The following MAP4 variants were observed in gnomAD, a reference collection of about 807,000 sequenced individuals.
MAP4 encodes the protein microtubule associated protein 4.
A neutral mutation model predicts 170.2 loss-of-function variants in MAP4; 76 were observed. The ratio of observed to expected loss-of-function variants is 0.45; its 90% CI spans 0.37 to 0.54. The LOEUF (loss-of-function observed/expected upper bound fraction) is 0.54. Among genes scored for constraint, MAP4 ranks in the 20% least tolerant of loss-of-function variants. The pLI is 0.00. For synonymous variants in MAP4, 909 were observed against 994.5 expected (o/e 0.91, Z 1.62); for missense variants, 2,506 against 2,748.0 (o/e 0.91, Z 1.97).
chr3:47,924,936 G>A (rs559093187), intron 4 of MAP4, among the ~76,000 whole-genome samples: 2 of 151,542 alleles, frequency 1.3e-5, no homozygotes, highest in African/African-American at 4.9e-5. Flanking sequence ...TCAGCTTCCC[G>A]AGTAGCTGGG....
chr3:47,964,209 C>G (rs2100073430), intron 3 of MAP4, among the ~76,000 whole-genome samples: 1 of 152,172 alleles, frequency 6.6e-6, no homozygotes, highest in Non-Finnish European at 1.5e-5. Context: ...TGTACAGGAC[C>G]ACTGTAGATG....
chr3:47,949,291 C>A (rs1217409717), intron 3 of MAP4, among the ~76,000 whole-genome samples: 1 of 151,764 alleles, frequency 6.6e-6, no homozygotes, highest in African/African-American at 2.4e-5. Flanking sequence ...CATGGTGAAA[C>A]CCCGTCTCTA....
At chr3:48,046,300 GTTAC>G in intron 1 of MAP4, among the ~76,000 whole-genome samples, 1 of 152,260 alleles carries the variant, frequency 6.6e-6, no homozygotes, top group Non-Finnish European at 1.5e-5. Context: ...TTGCACAGTT[GTTAC>G]TTATGTAGTG....
chr3:47,973,880 G>A, intron 3 of MAP4: 1 of 985,218 alleles, frequency 1.0e-6, no homozygotes, highest in Non-Finnish European at 1.2e-6. Flanking sequence ...TGGCAAGAGA[G>A]TTTTAATATT....
At chr3:47,974,839 C>T in intron 3 of MAP4, 1 of 964,488 alleles carries the variant, frequency 1.0e-6, no homozygotes, top group African/African-American at 1.8e-5. Flanking sequence ...TAGGATTACT[C>T]AGAACTACTC....
At chr3:48,040,861 A>G (rs2100121296) in intron 1 of MAP4, among the ~76,000 whole-genome samples, 1 of 152,188 alleles carries the variant, frequency 6.6e-6, no homozygotes, top group Non-Finnish European at 1.5e-5. Flanking sequence ...CACCACATCC[A>G]GCCAATTTTT....
intron 1 of MAP4, among the ~76,000 whole-genome samples, chr3:48,003,024 A>G (rs2100100181): frequency 6.6e-6 from 1 of 151,682 alleles, no homozygotes; most frequent in East Asian, 1.9e-4. Context: ...TCTAATAACT[A>G]TAATAAAGTT....
chr3:47,891,423 T>C (rs1259594257), intron 10 of MAP4: 2 of 1,535,516 alleles, frequency 1.3e-6, no homozygotes, highest in South Asian at 1.2e-5. Context: ...CCCACAGTCA[T>C]GGAGCGCTTC....
rs930211644 is a variant in MAP4 at position 47,926,679 on chromosome 3, C to T, written c.415+1549G>A. The stretch of plus-strand genomic sequence containing the variant: ...CCTCCCGAGTAGCTAGGACTACAGG[C>T]ATGTGCTGCCACAACCAGCTAACTT... On this transcript the variant is annotated intron_variant, in intron 4 of 20. Transcript: ENST00000683076. 3.9e-5 allele frequency among the ~76,000 whole-genome samples: 6 copies of T among 152,120 alleles called. No individual in the cohort carries two copies. In the East Asian group the frequency reaches 1.2e-3, roughly 29 times the overall value.
At chr3:47,985,623 A>G (rs1374605532) in intron 2 of MAP4, among the ~76,000 whole-genome samples, 3 of 152,200 alleles carry the variant, frequency 2.0e-5, no homozygotes, top group Non-Finnish European at 4.4e-5. Flanking sequence ...GTGGAACTTG[A>G]ATCTAATTAT....
chr3:48,077,243 G>C (rs978565677), intron 1 of MAP4, among the ~76,000 whole-genome samples: 4 of 151,978 alleles, frequency 2.6e-5, no homozygotes, highest in Non-Finnish European at 4.4e-5. Context: ...GGGAGTTCGA[G>C]CCCAGCCTCA....
intron 1 of MAP4, among the ~76,000 whole-genome samples, chr3:48,004,951 T>A (rs565079995): frequency 6.6e-6 from 1 of 152,226 alleles, no homozygotes; most frequent in South Asian, 2.1e-4. Context: ...TAATGTTGAT[T>A]CTCCTTAGAA....
intron 8 of MAP4, among the ~76,000 whole-genome samples, chr3:47,913,392 T>C (rs1261897170): frequency 1.3e-5 from 2 of 152,202 alleles, no homozygotes; most frequent in Admixed American, 1.3e-4. Context: ...ATATCTCAGG[T>C]TAATTATTGC....
At chr3:48,054,213 A>G (rs923234949) in intron 1 of MAP4, among the ~76,000 whole-genome samples, 3 of 152,088 alleles carry the variant, frequency 2.0e-5, no homozygotes, top group Non-Finnish European at 4.4e-5. Flanking sequence ...AAGGAGAATC[A>G]CTTGAACCCA....
intron 7 of MAP4, 81 bp downstream of exon 7, chr3:47,915,870 C>T: frequency 6.8e-7 from 1 of 1,466,582 alleles, no homozygotes; most frequent in Non-Finnish European, 9.2e-7. Flanking sequence ...CTGTACTTTA[C>T]CTGGCATGAT....
chr3:47,963,369 T>C (rs770256036), intron 3 of MAP4, among the ~76,000 whole-genome samples: 9 of 152,226 alleles, frequency 5.9e-5, no homozygotes, highest in Non-Finnish European at 1.3e-4. Flanking sequence ...GAAAATAATT[T>C]CTGTCACTTC....
chr3:47,951,380 C>T (rs374916337), intron 3 of MAP4, among the ~76,000 whole-genome samples: 1 of 152,276 alleles, frequency 6.6e-6, no homozygotes, highest in Non-Finnish European at 1.5e-5. Flanking sequence ...TCTCTTTCCA[C>T]GGTCTCCCTC....
Position 47,949,882 on chromosome 3 carries a change from G to A in MAP4, c.293-21532C>T, listed in dbSNP as rs1166487505. On this transcript the variant is annotated intron_variant, in intron 3 of 20. Coordinates refer to ENST00000683076, the MANE Select transcript of MAP4 (RefSeq NM_001385682.1). ...GCGGTGCTCACCCACCAGTTTTAGG[G>A]ATACCACAATGAGTGGCTTCAGGTG... Among the ~76,000 whole-genome samples the A allele has an allele frequency of 2.4e-5, 3 of 125,402 alleles. No individual in the cohort carries two copies. The East Asian group carries it at 6.3e-4, about 26-fold the overall frequency. The allele number at this position is 125,402 out of a possible 152,430, so 82.3% of individuals were successfully genotyped here. A position where few individuals can be genotyped will look rare whatever the true frequency, so the allele number is the denominator to read the frequency against.
At chr3:48,080,361 C>T (rs953912226) in intron 1 of MAP4, among the ~76,000 whole-genome samples, 5 of 152,088 alleles carry the variant, frequency 3.3e-5, no homozygotes, top group African/African-American at 9.7e-5. Context: ...TATGATTCTA[C>T]GAGGAGGAAG....
Sources: gnomAD v4.1 joint callset for allele counts (sites outside exome capture counted in the v4.1 genomes callset) on GRCh38, gnomAD v4.1.1 for gene constraint, MANE v1.5 for transcripts, NCBI Gene and HGNC (gene_info 2026-07-23, HGNC 2026-07-21) for gene names.